GABARAPL1: variants seen among roughly 807,000 people sequenced by gnomAD.
GABARAPL1 encodes the protein GABA type A receptor associated protein like 1, also known as gamma-aminobutyric acid receptor-associated protein-like 1.
In GABARAPL1, 4 loss-of-function variants were observed where a neutral mutation model predicts 14.5. That is an observed-to-expected ratio of 0.28 (90% CI 0.14 to 0.63). The LOEUF (loss-of-function observed/expected upper bound fraction) is 0.63. Among genes scored for constraint, GABARAPL1 ranks in the 30% least tolerant of loss-of-function variants. The probability of loss-of-function intolerance (pLI) is 0.84; values close to 1 mark genes in which losing one functional copy is unlikely to be tolerated. For missense variants in GABARAPL1, 82 were observed against 139.2 expected (o/e 0.59, Z 2.07); for synonymous variants, 47 against 50.6 (o/e 0.93, Z 0.30).
Position 10,212,997 on chromosome 12 carries a change from C to G in GABARAPL1, c.-133C>G, listed in dbSNP as rs897267990. The G allele has an allele frequency of 2.0e-5, 13 of 637,674 alleles. No individual in the cohort carries two copies. The Admixed American group carries it at 3.0e-4, about 15-fold the overall frequency. The allele number at this position is 637,674 out of a possible 1,614,324, so 39.5% of individuals were successfully genotyped here. On this transcript the variant is annotated 5_prime_UTR_variant, in exon 1 of 4. Coordinates refer to ENST00000266458, the MANE Select transcript of GABARAPL1 (RefSeq NM_031412.4). The stretch of plus-strand genomic sequence containing the variant: ...AACCCCCCCTGCACACTCGGCCCAG[C>G]GCTGTTGCCCCCGGAGCGGACGTTT...
chr12:10,219,376 T>C (rs1949108056), intron 2 of GABARAPL1, among the ~76,000 whole-genome samples: 1 of 151,880 alleles, frequency 6.6e-6, no homozygotes, highest in South Asian at 2.1e-4. Flanking sequence ...AATTGTGATA[T>C]CAATTTGTTC....
intron 1 of GABARAPL1, among the ~76,000 whole-genome samples, chr12:10,217,092 TAAA>T (rs961503208): frequency 8.5e-5 from 13 of 152,278 alleles, no homozygotes; most frequent in Non-Finnish European, 1.5e-4. Flanking sequence ...TTTTAGTGTA[TAAA>T]AAAATCTTTT....
At chr12:10,216,848 A>T (rs767325802) in intron 1 of GABARAPL1, among the ~76,000 whole-genome samples, 1 of 152,026 alleles carries the variant, frequency 6.6e-6, no homozygotes, top group African/African-American at 2.4e-5. Context: ...CAATGATTAT[A>T]TTTTCTAAAC....
chr12:10,221,379 A>G (rs1949119607), intron 3 of GABARAPL1: 1 of 978,908 alleles, frequency 1.0e-6, no homozygotes, highest in Non-Finnish European at 1.2e-6. Flanking sequence ...TTTGCATAAG[A>G]TGCTTCCTTC....
chr12:10,216,459 G>GTT (rs200027486), intron 1 of GABARAPL1, among the ~76,000 whole-genome samples: 2 of 140,114 alleles, frequency 1.4e-5, no homozygotes, highest in Non-Finnish European at 1.6e-5. Flanking sequence ...TACTCATACA[G>GTT]TTTTTTTTTT....
At chr12:10,218,766 T>G (rs922577149) in intron 2 of GABARAPL1, among the ~76,000 whole-genome samples, 9 of 151,596 alleles carry the variant, frequency 5.9e-5, no homozygotes, top group African/African-American at 2.2e-4. Context: ...TGGAGTGCAG[T>G]GGCATCATCT....
rs1009576520 is a variant in GABARAPL1, at chr12:10,222,825, G to C, written c.*973G>C. ...GCTCACATGCACAGGAATGCTACATGATGGCCAGCTGCTTCCCTCCTTGGT... is the reference window on the plus strand; with the variant it reads ...GCTCACATGCACAGGAATGCTACATCATGGCCAGCTGCTTCCCTCCTTGGT... On this transcript the variant is annotated 3_prime_UTR_variant, in exon 4 of 4. Transcript: ENST00000266458. The C allele has an allele frequency of 6.6e-6, 1 of 152,480 alleles. No homozygotes were observed. The highest frequency in any genetic ancestry group is 1.5e-5 in the Non-Finnish European group (1 of 68,054). 9.4% of individuals were successfully genotyped at this position (152,480 alleles called of 1,614,324 possible).
chr12:10,216,587 T>A (rs1417102415), intron 1 of GABARAPL1, among the ~76,000 whole-genome samples: 2 of 148,774 alleles, frequency 1.3e-5, no homozygotes, highest in Admixed American at 1.4e-4. Context: ...TTGCCCAGGC[T>A]GGAGTGTAGT....
chr12:10,220,752 A>C (rs1949116706), intron 3 of GABARAPL1, 194 bp downstream of exon 3: 1 of 1,505,720 alleles, frequency 6.6e-7, no homozygotes, highest in Non-Finnish European at 8.9e-7. Context: ...TAGCCACTCT[A>C]CTAGATTTAA....
At chr12:10,216,300 G>A (rs1462793678) in intron 1 of GABARAPL1, among the ~76,000 whole-genome samples, 11 of 151,968 alleles carry the variant, frequency 7.2e-5, no homozygotes, top group Admixed American at 7.2e-4. Context: ...GAGCCCAGGA[G>A]GTGGAGGTTG....
intron 2 of GABARAPL1, 30 bp from the exon 3 acceptor site, chr12:10,220,410 T>C: frequency 6.2e-7 from 1 of 1,611,716 alleles, no homozygotes; most frequent in Non-Finnish European, 8.5e-7. Context: ...CTTACTTTCT[T>C]TTCTGCCCTT....
At chr12:10,214,665 A>G (rs1255013488) in intron 1 of GABARAPL1, 1 of 152,200 alleles carries the variant, frequency 6.6e-6, no homozygotes, top group African/African-American at 2.4e-5. Context: ...TACCCGTTCT[A>G]CAGATGGAGT....
At chr12:10,217,468 A>G (rs1949097166) in intron 1 of GABARAPL1, among the ~76,000 whole-genome samples, 3 of 152,218 alleles carry the variant, frequency 2.0e-5, no homozygotes, top group Non-Finnish European at 4.4e-5. Flanking sequence ...ACGGTAGCTC[A>G]CATCTGTAAT....
At chr12:10,216,537 C>CTTTTTTT (rs71049067) in intron 1 of GABARAPL1, among the ~76,000 whole-genome samples, 14 of 112,192 alleles carry the variant, frequency 1.2e-4, no homozygotes, top group East Asian at 2.8e-4. Flanking sequence ...ATTTTCTTTT[C>CTTTTTTT]TTTTTTTTTT....
chr12:10,221,947 A>G lies in GABARAPL1; in HGVS notation c.*95A>G. The G allele has an allele frequency of 2.0e-6, 2 of 980,410 alleles. No homozygotes were observed. The highest frequency in any genetic ancestry group is 2.4e-5 in the East Asian group (1 of 41,640). The allele number at this position is 980,410 out of a possible 1,614,324, so 60.7% of individuals were successfully genotyped here. A position where few individuals can be genotyped will look rare whatever the true frequency, so the allele number is the denominator to read the frequency against. ...GGGGAAAGAGGGTGGCTCCCACCGC[A>G]AGGAGACAGAAGGTGAAGACATCTA... On this transcript the variant is annotated 3_prime_UTR_variant, in exon 4 of 4. Transcript: ENST00000266458.
chr12:10,220,895 A>C (rs1006163209), intron 3 of GABARAPL1: 5 of 1,392,094 alleles, frequency 3.6e-6, no homozygotes, highest in African/African-American at 1.4e-5. Flanking sequence ...AGTTCCTGCT[A>C]TTCTGGTTGG....
chr12:10,220,862 G>T, intron 3 of GABARAPL1: 1 of 1,416,514 alleles, frequency 7.1e-7, no homozygotes, highest in South Asian at 1.6e-5. Context: ...GATAGCAAAA[G>T]TTCCAAAGCG....
intron 1 of GABARAPL1, among the ~76,000 whole-genome samples, chr12:10,216,873 T>TAAAA (rs1949093419): frequency 6.6e-6 from 1 of 152,190 alleles, no homozygotes; most frequent in Non-Finnish European, 1.5e-5. Flanking sequence ...AGTCTAAAGC[T>TAAAA]CATGATTTTA....
intron 1 of GABARAPL1, chr12:10,213,759 G>A (rs1243151605): frequency 2.3e-6 from 1 of 440,374 alleles, no homozygotes; most frequent in Non-Finnish European, 4.6e-6. Context: ...AGGGGGTTAG[G>A]GGAGCACAAG....
Sources: allele counts gnomAD v4.1 joint callset (sites outside exome capture counted in the v4.1 genomes callset), GRCh38; gene constraint gnomAD v4.1.1; transcripts MANE v1.5; gene names NCBI Gene and HGNC (gene_info 2026-07-23, HGNC 2026-07-21).